PDE1A: variants seen among roughly 807,000 people sequenced by gnomAD.
The protein encoded by PDE1A is dual specificity calcium/calmodulin-dependent 3',5'-cyclic nucleotide phosphodiesterase 1A.
PDE1A carries 35 observed loss-of-function variants against 61.7 expected under a neutral mutation model. The observed-to-expected ratio is 0.57, with a 90% CI of 0.43 to 0.75. The LOEUF (loss-of-function observed/expected upper bound fraction) is 0.75. Among genes scored for constraint, PDE1A ranks in the 30% least tolerant of loss-of-function variants. The probability of loss-of-function intolerance (pLI) is 0.00; values close to 1 mark genes in which losing one functional copy is unlikely to be tolerated. For missense variants in PDE1A, 597 were observed against 630.6 expected (o/e 0.95, Z 0.57); for synonymous variants, 232 against 213.2 (o/e 1.09, Z -0.77).
chr2:182,315,886 A>C (rs547911217), intron 1 of PDE1A, among the ~76,000 whole-genome samples: 1 of 152,324 alleles, frequency 6.6e-6, no homozygotes, highest in East Asian at 1.9e-4. Flanking sequence ...GAGCACCAAG[A>C]AAGAGCATCT....
intron 1 of PDE1A, among the ~76,000 whole-genome samples, chr2:182,308,349 A>T (rs1695738158): frequency 6.6e-6 from 1 of 152,210 alleles, no homozygotes; most frequent in African/African-American, 2.4e-5. Context: ...GGTTTGTGCA[A>T]ATCATCACTT....
chr2:182,240,224 T>A, exon 3 of PDE1A: 1 of 1,613,706 alleles, frequency 6.2e-7, no homozygotes, highest in Non-Finnish European at 8.5e-7. Flanking sequence ...AGCCAACCAG[T>A]CCCGGACTTC....
rs1050907660 is a variant in PDE1A at position 182,291,553 on chromosome 2, G to A, written c.54-27139C>T. Among the ~76,000 whole-genome samples, 121 of 152,242 alleles carry A rather than the reference G, an allele frequency of 7.9e-4. 1 individual carries two copies. Among genetic ancestry groups the A allele is most frequent in the African/African-American group, 2.8e-3 (117 of 41,560 alleles). ...CTGGTTGTAACTATTTATCTCTGTG[G>A]TTAGGGACCTTAAGTTTTCTGCAGA... On this transcript the variant is annotated intron_variant, in intron 1 of 13. Transcript: ENST00000351439.
In PDE1A at chr2:182,382,745, CA is replaced by C. The variant is rs559193665; in HGVS notation, c.53+43832del. On this transcript the variant is annotated intron_variant, in intron 1 of 13. Transcript: ENST00000351439. ...ATTTTGAGGATATTTTCTTTTGGAG[CA>C]AAATATTCCAGAAACACACTACTAT... 2.8e-3 allele frequency among the ~76,000 whole-genome samples: 429 copies of C among 151,904 alleles called. 10 individuals carry two copies. Among genetic ancestry groups the C allele is most frequent in the Non-Finnish European group, 4.7e-4 (32 of 67,968 alleles).
At chr2:182,386,081 G>C (rs530921015) in intron 1 of PDE1A, among the ~76,000 whole-genome samples, 11 of 152,184 alleles carry the variant, frequency 7.2e-5, no homozygotes, top group African/African-American at 2.2e-4. Context: ...TCCTAACCGC[G>C]AGTGATCCGC....
the PDE1A span, among the ~76,000 whole-genome samples, chr2:182,605,947 AT>A: frequency 1.3e-5 from 2 of 152,242 alleles, no homozygotes; most frequent in East Asian, 1.9e-4. Flanking sequence ...CAGGTCTCAT[AT>A]TTTTTTAATG....
At chr2:182,349,524 AG>A (rs1428969508) in intron 1 of PDE1A, among the ~76,000 whole-genome samples, 1 of 152,216 alleles carries the variant, frequency 6.6e-6, no homozygotes, top group Non-Finnish European at 1.5e-5. Flanking sequence ...TGACACTGAA[AG>A]GCACGTGAAA....
chr2:182,540,548 T>A, the PDE1A span, among the ~76,000 whole-genome samples: 662 of 152,204 alleles, frequency 4.3e-3, 2 homozygotes, highest in African/African-American at 0.015. Flanking sequence ...GCCACACTGA[T>A]GTAGAATAAC....
chr2:182,335,312 A>C (rs1443730943), intron 1 of PDE1A, among the ~76,000 whole-genome samples: 1 of 152,210 alleles, frequency 6.6e-6, no homozygotes, highest in Non-Finnish European at 1.5e-5. Flanking sequence ...CAGCCAAGAC[A>C]ATCCTAAGCA....
chr2:182,388,725 C>A (rs932169387), intron 1 of PDE1A, among the ~76,000 whole-genome samples: 1 of 151,876 alleles, frequency 6.6e-6, no homozygotes, highest in African/African-American at 2.4e-5. Context: ...ACATCTCAAA[C>A]AATCTAGCAC....
At chr2:182,380,438 T>A (rs1296258877) in intron 1 of PDE1A, among the ~76,000 whole-genome samples, 2 of 152,090 alleles carry the variant, frequency 1.3e-5, no homozygotes, top group Non-Finnish European at 1.5e-5. Flanking sequence ...TTTCCTAGCT[T>A]TCTGTCTCTC....
chr2:182,175,136 G>C (rs941857013), intron 13 of PDE1A, among the ~76,000 whole-genome samples: 1 of 152,064 alleles, frequency 6.6e-6, no homozygotes, highest in Non-Finnish European at 1.5e-5. Flanking sequence ...TCTTTATCCA[G>C]TCTATCATTG....
intron 2 of PDE1A, among the ~76,000 whole-genome samples, chr2:182,485,539 A>G (rs1026122292): frequency 6.6e-6 from 1 of 152,076 alleles, no homozygotes; most frequent in African/African-American, 2.4e-5. Context: ...AAGCTATAGT[A>G]TCAAATATAA....
chr2:182,261,107 T>G (rs1209483988), intron 2 of PDE1A, among the ~76,000 whole-genome samples: 1 of 152,210 alleles, frequency 6.6e-6, no homozygotes, highest in Admixed American at 6.5e-5. Context: ...AGCTACAGGA[T>G]TTACAATTCC....
Position 182,232,200 on chromosome 2 carries a change from G to A in PDE1A, c.418-1069C>T, listed in dbSNP as rs1689639660. ...TGGAAAGTACCCCCTAACAGAGAGA[G>A]AGGAGAGTGAGCAGGGATATAAACC... On this transcript the variant is annotated intron_variant, in intron 4 of 13. Coordinates refer to ENST00000351439, the Ensembl canonical transcript of PDE1A. Among the ~76,000 whole-genome samples, 3 of 152,124 alleles carry A rather than the reference G, an allele frequency of 2.0e-5. No homozygotes were observed. In the South Asian group the frequency reaches 6.2e-4, roughly 32 times the overall value.
chr2:182,594,259 G>C, the PDE1A span, among the ~76,000 whole-genome samples: 1 of 152,164 alleles, frequency 6.6e-6, no homozygotes, highest in Non-Finnish European at 1.5e-5. Flanking sequence ...ATTGCCAAAT[G>C]TGAAGATAAT....
intron 1 of PDE1A, among the ~76,000 whole-genome samples, chr2:182,406,800 A>C (rs922111778): frequency 1.8e-4 from 27 of 152,146 alleles, no homozygotes; most frequent in Non-Finnish European, 5.9e-5. Flanking sequence ...AGATATTACA[A>C]GAAATGAAAA....
intron 2 of PDE1A, among the ~76,000 whole-genome samples, chr2:182,498,704 G>A (rs1431694651): frequency 6.6e-6 from 1 of 152,028 alleles, no homozygotes; most frequent in Non-Finnish European, 1.5e-5. Context: ...CAGCACTTTG[G>A]GAGGTCGAGG....
At chr2:182,374,955 AG>A (rs1700312150) in intron 1 of PDE1A, among the ~76,000 whole-genome samples, 2 of 152,218 alleles carry the variant, frequency 1.3e-5, no homozygotes, top group Admixed American at 1.3e-4. Flanking sequence ...AGAGAGAATG[AG>A]GAGGATGCAA....
Sources: allele counts gnomAD v4.1 joint callset (sites outside exome capture counted in the v4.1 genomes callset), GRCh38; gene constraint gnomAD v4.1.1; transcripts MANE v1.5; gene names NCBI Gene and HGNC (gene_info 2026-07-23, HGNC 2026-07-21).